Variants in TMEM63A observed in about 807,000 individuals in gnomAD.
The protein encoded by TMEM63A is transmembrane protein 63A.
TMEM63A carries 76 observed loss-of-function variants against 100.6 expected under a neutral mutation model. The observed-to-expected ratio is 0.76, with a 90% CI of 0.63 to 0.91. TMEM63A has a LOEUF of 0.91. Among genes scored for constraint, TMEM63A ranks in the 40% least tolerant of loss-of-function variants. TMEM63A has a pLI of 0.00. For synonymous variants in TMEM63A, 401 were observed against 401.1 expected, an observed-to-expected ratio of 1.00 and a Z score of 0.00; for missense variants, 876 against 1,008.8, an observed-to-expected ratio of 0.87 and a Z score of 1.78.
chr1:225,866,785 C>A, intron 8 of TMEM63A, 103 bp from the exon 9 acceptor site: 2 of 995,170 alleles, frequency 2.0e-6, no homozygotes, highest in Non-Finnish European at 3.1e-6. Context: ...AACTGAGGAC[C>A]AACAGCTTCA....
At chr1:225,874,213 T>C (rs1201511606) in intron 4 of TMEM63A, 75 bp downstream of exon 4, 3 of 1,415,718 alleles carry the variant, frequency 2.1e-6, no homozygotes, top group East Asian at 2.3e-5. Context: ...CACACGCACA[T>C]ATACACACTC....
rs1668925375 is a variant in TMEM63A at position 225,845,719 on chromosome 1, C to CA, written c.*1219_*1220insT. On this transcript the variant is annotated 3_prime_UTR_variant, in exon 25 of 25. Transcript: ENST00000366835. The stretch of plus-strand genomic sequence containing the variant: ...CTATGCTGCACCAGACCAATGGCAC[C>CA]GCCCCCACCCCTCCCAGCGCAGGGG... 2.8e-6 allele frequency: 1 copy of CA among 351,234 alleles called. No individual in the cohort carries two copies. The highest frequency in any genetic ancestry group is 5.4e-6 in the Non-Finnish European group (1 of 186,074). The allele number at this position is 351,234 out of a possible 1,614,324, so 21.8% of individuals were successfully genotyped here.
chr1:225,870,449 C>T (rs936351673), intron 6 of TMEM63A, among the ~76,000 whole-genome samples: 2 of 152,146 alleles, frequency 1.3e-5, no homozygotes, highest in African/African-American at 2.4e-5. Context: ...TCCCCGCCCC[C>T]CCCCGCCTCC....
intron 15 of TMEM63A, among the ~76,000 whole-genome samples, chr1:225,858,327 T>G (rs1366221764): frequency 8.1e-5 from 12 of 148,398 alleles, no homozygotes; most frequent in Admixed American, 1.3e-4. Context: ...TGTTTTTTTT[T>G]TTTTTTTTTT....
At chr1:225,878,215 C>A (rs1670911112) in intron 2 of TMEM63A, among the ~76,000 whole-genome samples, 1 of 152,080 alleles carries the variant, frequency 6.6e-6, no homozygotes, top group Admixed American at 6.5e-5. Context: ...TAACTTGCCC[C>A]AAAGTTAAGG....
At chr1:225,847,375 C>T (rs1047033899) in intron 23 of TMEM63A, 162 bp from the exon 24 acceptor site, 1 of 809,536 alleles carries the variant, frequency 1.2e-6, no homozygotes, top group Non-Finnish European at 1.9e-6. Context: ...AAATATGACA[C>T]CTGCAGAATT....
chr1:225,844,399 G>T, downstream of TMEM63A: 1 of 1,587,690 alleles, frequency 6.3e-7, no homozygotes, highest in Non-Finnish European at 8.6e-7. Context: ...GAGGGAAGCC[G>T]CATGGGCAGG....
chr1:225,872,156 C>A, intron 4 of TMEM63A, 103 bp from the exon 5 acceptor site: 1 of 804,952 alleles, frequency 1.2e-6, no homozygotes, highest in South Asian at 1.7e-5. Context: ...CCTCTTGGAG[C>A]TCAGAACCAA....
At chr1:225,873,652 C>G (rs904008089) in intron 4 of TMEM63A, among the ~76,000 whole-genome samples, 1 of 152,186 alleles carries the variant, frequency 6.6e-6, no homozygotes. Flanking sequence ...TGGAGCCCCA[C>G]GCAGAACTGG....
chr1:225,847,080 C>A lies in TMEM63A; in HGVS notation c.2384G>T (p.Ser795Ile). 1 of 1,613,630 alleles carries A rather than the reference C, an allele frequency of 6.2e-7. No individual in the cohort carries two copies. The highest frequency in any genetic ancestry group is 1.1e-5 in the South Asian group (1 of 91,064). ...GTIPGQCLAQ[S>I]ATGSVAAAPQ... ...GGCAGCAGCCACACTGCCCGTGGCG[C>A]TCTGCGCCAAGCACTGTCCAGGGAT... Residue 795 changes from serine to isoleucine, a missense_variant, in exon 24 of 25, where the codon AGC becomes ATC. This residue lies in a region of TMEM63A where 339 missense variants were observed against 342.3 expected (regional missense o/e 0.99). Coordinates refer to ENST00000366835, the MANE Select transcript of TMEM63A (RefSeq NM_014698.3).
chr1:225,852,459 C>T (rs1225206960), intron 20 of TMEM63A, among the ~76,000 whole-genome samples: 1 of 152,182 alleles, frequency 6.6e-6, no homozygotes, highest in African/African-American at 2.4e-5. Flanking sequence ...CCAGCCTGGG[C>T]ATCAGCATGA....
chr1:225,869,897 G>A (rs373827808), intron 6 of TMEM63A, among the ~76,000 whole-genome samples: 3 of 151,360 alleles, frequency 2.0e-5, no homozygotes, highest in African/African-American at 2.4e-5. Flanking sequence ...TCCTGACCTC[G>A]TGATCTGCCT....
intron 10 of TMEM63A, 157 bp from the exon 11 acceptor site, chr1:225,863,008 T>A: frequency 3.0e-6 from 2 of 676,018 alleles, no homozygotes; most frequent in East Asian, 5.5e-5. Context: ...TCTTTTATCC[T>A]CCAAAAGGGG....
At position 225,849,004 on chromosome 1, in the gene TMEM63A, C is replaced by A; in HGVS notation, c.2080G>T (p.Ala694Ser). 1.3e-6 allele frequency: 2 copies of A among 1,572,540 alleles called. No individual in the cohort carries two copies. The highest frequency in any genetic ancestry group is 1.7e-6 in the Non-Finnish European group (2 of 1,160,066). The change falls in exon 22 of 25, where the codon GCC (alanine) becomes TCC (serine). Residue 694 changes from alanine to serine, a missense_variant. Ala to Ser is a moderately conservative substitution (Grantham distance 99). Transcript: ENST00000366835. ...FFSFLRLGMKAPATLFTFLVL... is the reference protein window; with the variant it reads ...FFSFLRLGMKSPATLFTFLVL... ...AGGAAGGTGAACAGAGTGGCGGGGGCCTTCATACCTGGTGATAGAGGGTGG... is the reference window on the plus strand; with the variant it reads ...AGGAAGGTGAACAGAGTGGCGGGGGACTTCATACCTGGTGATAGAGGGTGG...
chr1:225,857,262 C>T (rs149226784), intron 15 of TMEM63A, among the ~76,000 whole-genome samples: 209 of 152,236 alleles, frequency 1.4e-3, no homozygotes, highest in African/African-American at 4.6e-3. Flanking sequence ...ATTTCACATA[C>T]GAGTAAACTC....
At chr1:225,847,541 A>C (rs1669082121) in intron 23 of TMEM63A, 1 of 227,348 alleles carries the variant, frequency 4.4e-6, no homozygotes, top group South Asian at 9.7e-5. Flanking sequence ...CTACCTATAT[A>C]GGGGGGCTTA....
chr1:225,858,331 T>G (rs967677281), intron 15 of TMEM63A, among the ~76,000 whole-genome samples: 40 of 149,536 alleles, frequency 2.7e-4, no homozygotes, highest in East Asian at 1.6e-3. Context: ...TTTTTTTTTT[T>G]TTTTTTTTTT....
intron 14 of TMEM63A, chr1:225,859,652 T>G: frequency 3.1e-6 from 1 of 322,786 alleles, no homozygotes; most frequent in Non-Finnish European, 5.8e-6. Context: ...TTTTTCTGTT[T>G]TTTTTTTTTT....
At chr1:225,863,105 G>GT in intron 10 of TMEM63A, 3 of 490,050 alleles carry the variant, frequency 6.1e-6, no homozygotes, top group Non-Finnish European at 1.1e-5. Context: ...CCAGGCTGCT[G>GT]TACAGTGGCA....
Sources: gnomAD v4.1 joint callset for allele counts (sites outside exome capture counted in the v4.1 genomes callset) on GRCh38, gnomAD v4.1.1 for gene constraint, gnomAD v4.1.1 regional missense constraint, MANE v1.5 for transcripts, NCBI Gene and HGNC (gene_info 2026-07-23, HGNC 2026-07-21) for gene names.